AGO1: variants seen among roughly 807,000 people sequenced by gnomAD.
AGO1 encodes the protein argonaute RISC component 1.
AGO1 carries 11 observed loss-of-function variants against 109.2 expected under a neutral mutation model. The observed-to-expected ratio is 0.10, with a 90% CI of 0.06 to 0.17. AGO1 has a LOEUF of 0.17. Among genes scored for constraint, AGO1 ranks in the 10% least tolerant of loss-of-function variants. The pLI is 1.00. For synonymous variants in AGO1, 422 were observed against 418.6 expected (o/e 1.01, Z -0.10); for missense variants, 574 against 1,140.3 (o/e 0.50, Z 7.15).
intron 1 of AGO1, among the ~76,000 whole-genome samples, chr1:35,884,334 T>C (rs1269324171): frequency 6.6e-6 from 1 of 151,342 alleles, no homozygotes; most frequent in Non-Finnish European, 1.5e-5. Context: ...CTCCTGAAGA[T>C]AGGCCTTAGG....
At chr1:35,886,765 T>G (rs561638329) in intron 1 of AGO1, among the ~76,000 whole-genome samples, 1 of 152,256 alleles carries the variant, frequency 6.6e-6, no homozygotes, top group African/African-American at 2.4e-5. Context: ...TGCTTGTGTG[T>G]TTTTGTGGTG....
At chr1:35,913,716 G>C in intron 12 of AGO1, 126 bp from the exon 13 acceptor site, 1 of 918,732 alleles carries the variant, frequency 1.1e-6, no homozygotes, top group East Asian at 2.6e-5. Context: ...AGCACTTTGA[G>C]AGTAAGGACC....
chr1:35,887,132 A>C (rs980464791), intron 1 of AGO1, among the ~76,000 whole-genome samples: 1 of 152,154 alleles, frequency 6.6e-6, no homozygotes, highest in Non-Finnish European at 1.5e-5. Flanking sequence ...CCCTGTCTGC[A>C]GAGTGGGACT....
Position 35,922,696 on chromosome 1 carries a change from G to C in AGO1, c.*3089G>C, listed in dbSNP as rs1193414679. ...ATCCCACTGTTAGCTGGCAGGGTCA[G>C]GCTTAGCTCCTTGACTGCAGAAGAC... On this transcript the variant is annotated 3_prime_UTR_variant, in exon 19 of 19. Transcript: ENST00000373204. 6.6e-6 allele frequency: 1 copy of C among 152,450 alleles called. No individual in the cohort carries two copies. The highest frequency in any genetic ancestry group is 1.5e-5 in the Non-Finnish European group (1 of 68,236). 9.4% of individuals were successfully genotyped at this position (152,450 alleles called of 1,614,324 possible).
chr1:35,872,453 T>C (rs973230676), intron 1 of AGO1, among the ~76,000 whole-genome samples: 2 of 152,200 alleles, frequency 1.3e-5, no homozygotes, highest in African/African-American at 4.8e-5. Flanking sequence ...CCCAAAGTGC[T>C]GGGATTACAG....
intron 1 of AGO1, among the ~76,000 whole-genome samples, chr1:35,874,382 G>A (rs754257531): frequency 6.6e-6 from 1 of 152,130 alleles, no homozygotes; most frequent in Non-Finnish European, 1.5e-5. Flanking sequence ...TCACTATAGT[G>A]CCCAGGCCGG....
Position 35,901,416 on chromosome 1 carries a change from C to G in AGO1, c.1021-58C>G. ...AGGTATCTTTCCTTATTGTGGGGCT[C>G]TGGGTACAGGGTGGACTGTACTCAA... is the stretch of plus-strand genomic sequence containing the variant. On this transcript the variant is annotated intron_variant, in intron 8 of 18. Transcript: ENST00000373204. The surrounding 1 kb of genome is among the most constrained non-coding windows in gnomAD (Gnocchi z 4.8). 1 of 1,603,640 alleles carries G rather than the reference C, an allele frequency of 6.2e-7. No individual in the cohort carries two copies. The highest frequency in any genetic ancestry group is 8.5e-7 in the Non-Finnish European group (1 of 1,173,826).
Position 35,911,494 on chromosome 1 carries a change from AT to A in AGO1, c.1583-2337del, listed in dbSNP as rs890080442. 6.2e-3 allele frequency among the ~76,000 whole-genome samples: 910 copies of A among 147,914 alleles called. 1 individual carries two copies. The highest frequency in any genetic ancestry group is 9.8e-3 in the African/African-American group (397 of 40,408). On this transcript the variant is annotated intron_variant, in intron 12 of 18. Coordinates refer to ENST00000373204, the MANE Select transcript of AGO1 (RefSeq NM_012199.5). ...CTGCAGAAGATAGCTCACCTCTGAGATTTTTTTTTTTCTCCCTCTCTGGAAT... is the reference window on the plus strand; with the variant it reads ...CTGCAGAAGATAGCTCACCTCTGAGATTTTTTTTTTCTCCCTCTCTGGAAT...
intron 8 of AGO1, among the ~76,000 whole-genome samples, chr1:35,899,137 A>G (rs1040259657): frequency 2.0e-5 from 3 of 152,234 alleles, no homozygotes; most frequent in African/African-American, 7.2e-5. Context: ...AAGTGGAATC[A>G]TAGTATTTGT....
intron 8 of AGO1, among the ~76,000 whole-genome samples, chr1:35,895,736 TA>T (rs1645305842): frequency 6.6e-6 from 1 of 152,250 alleles, no homozygotes; most frequent in Non-Finnish European, 1.5e-5. Flanking sequence ...CATACTTTTA[TA>T]AGTCAGTAGA....
intron 8 of AGO1, among the ~76,000 whole-genome samples, chr1:35,898,569 T>C (rs1363562739): frequency 6.6e-6 from 1 of 152,224 alleles, no homozygotes; most frequent in Admixed American, 6.5e-5. Flanking sequence ...TTTAACATCG[T>C]GATGAGCTGC....
At chr1:35,906,010 G>A (rs1645513276) in intron 11 of AGO1, among the ~76,000 whole-genome samples, 1 of 152,004 alleles carries the variant, frequency 6.6e-6, no homozygotes, top group Admixed American at 6.6e-5. Flanking sequence ...CTTGTACATT[G>A]TTTTTAAATT....
chr1:35,894,457 T>TA, intron 7 of AGO1, 55 bp downstream of exon 7: 1 of 1,550,404 alleles, frequency 6.4e-7, no homozygotes, highest in South Asian at 1.1e-5. Context: ...GGCTGAGATT[T>TA]AAAACTATCT....
At chr1:35,914,668 A>G (rs943105645) in intron 14 of AGO1, among the ~76,000 whole-genome samples, 2 of 152,144 alleles carry the variant, frequency 1.3e-5, no homozygotes, top group African/African-American at 4.8e-5. Context: ...AATAGATTAG[A>G]TGTTTCTCTT....
chr1:35,874,801 G>C (rs1644980018), intron 1 of AGO1, among the ~76,000 whole-genome samples: 3 of 152,164 alleles, frequency 2.0e-5, no homozygotes, highest in Admixed American at 2.0e-4. Context: ...GTGAACACAT[G>C]AATAGTAAGA....
rs1266666866 is a variant in AGO1 at position 35,929,016 on chromosome 1, A to G, written c.*9409A>G. 6.6e-6 allele frequency: 1 copy of G among 152,262 alleles called. No homozygotes were observed. Among genetic ancestry groups the G allele is most frequent in the Non-Finnish European group, 1.5e-5 (1 of 68,056 alleles). The allele number at this position is 152,262 out of a possible 1,614,324, so 9.4% of individuals were successfully genotyped here. ...TTATTTATTCACCTATCTGTCCATC[A>G]ATCCAACAAATATACTGAATGCTGC... On this transcript the variant is annotated 3_prime_UTR_variant, in exon 19 of 19. Transcript: ENST00000373204.
intron 11 of AGO1, among the ~76,000 whole-genome samples, chr1:35,904,291 G>A (rs755154582): frequency 1.2e-4 from 18 of 151,884 alleles, no homozygotes; most frequent in Non-Finnish European, 1.9e-4. Context: ...ATTTTTAGTA[G>A]AGATGGGGTT....
At chr1:35,892,266 C>G (rs960271865) in intron 2 of AGO1, among the ~76,000 whole-genome samples, 2 of 152,218 alleles carry the variant, frequency 1.3e-5, no homozygotes, top group Non-Finnish European at 2.9e-5. Flanking sequence ...ACTCACACCA[C>G]TCTTTCAGGT....
upstream of AGO1, among the ~76,000 whole-genome samples, chr1:35,879,984 G>A (rs527527988): frequency 3.3e-5 from 5 of 152,198 alleles, no homozygotes; most frequent in Non-Finnish European, 5.9e-5. Context: ...TCTTCTTATG[G>A]AATGCTGAGG....
Sources: gnomAD v4.1 joint callset for allele counts (sites outside exome capture counted in the v4.1 genomes callset) on GRCh38, gnomAD v4.1.1 for gene constraint, Gnocchi (gnomAD v3.1) non-coding constraint, MANE v1.5 for transcripts, NCBI Gene and HGNC (gene_info 2026-07-23, HGNC 2026-07-21) for gene names.